SARDH: variants seen among roughly 807,000 people sequenced by gnomAD.
The protein encoded by SARDH is sarcosine dehydrogenase, also known as sarcosine dehydrogenase, mitochondrial.
A neutral mutation model predicts 109.1 loss-of-function variants in SARDH; 95 were observed. The observed-to-expected ratio is 0.87, with a 90% CI of 0.74 to 1.03. The LOEUF (loss-of-function observed/expected upper bound fraction) is 1.03. SARDH is among the 50% of genes least tolerant of loss of function. The pLI, the probability that SARDH is intolerant of heterozygous loss-of-function variation, is 0.00. For synonymous variants in SARDH, 572 were observed against 534.8 expected (o/e 1.07, Z -0.96); for missense variants, 1,267 against 1,287.8 (o/e 0.98, Z 0.25).
At position 133,663,871 on chromosome 9, in the gene SARDH, G is replaced by A. The variant is rs1829963554; in HGVS notation, c.*18C>T. 6.2e-7 allele frequency: 1 copy of A among 1,613,594 alleles called. No homozygotes were observed. Among genetic ancestry groups the A allele is most frequent in the Non-Finnish European group, 8.5e-7 (1 of 1,179,804 alleles). ...AGAATGGATGGACAGCATGGGATGG[G>A]GCATGTGGTCTGAGCCCTCAGTAGA... On this transcript the variant is annotated 3_prime_UTR_variant, in exon 21 of 21. Transcript: ENST00000439388.
chr9:133,699,814 G>A (rs1223269698), intron 13 of SARDH, among the ~76,000 whole-genome samples: 6 of 152,056 alleles, frequency 3.9e-5, no homozygotes, highest in South Asian at 2.1e-4. Flanking sequence ...AACAGTTGGC[G>A]TTCCCCCAAA....
intron 3 of SARDH, among the ~76,000 whole-genome samples, chr9:133,732,151 C>T (rs1190945116): frequency 6.6e-6 from 1 of 152,164 alleles, no homozygotes; most frequent in Non-Finnish European, 1.5e-5. Flanking sequence ...GGCTCCTTCC[C>T]TGTGGCGTGT....
chr9:133,668,327 C>CTCCCTCACCT (rs1830157265), intron 19 of SARDH, among the ~76,000 whole-genome samples: 1 of 132,450 alleles, frequency 7.6e-6, no homozygotes, highest in Non-Finnish European at 1.6e-5. Flanking sequence ...CACCCTCCCT[C>CTCCCTCACCT]TCCCTCTCCC....
intron 17 of SARDH, among the ~76,000 whole-genome samples, chr9:133,684,395 C>G (rs1033695315): frequency 2.0e-5 from 3 of 152,256 alleles, no homozygotes; most frequent in African/African-American, 7.2e-5. Flanking sequence ...CTGTGATGTT[C>G]TCGGAACAGT....
downstream of SARDH, among the ~76,000 whole-genome samples, chr9:133,662,778 G>T (rs553529181): frequency 6.6e-6 from 1 of 152,184 alleles, no homozygotes; most frequent in Non-Finnish European, 1.5e-5. This position sits in a 1 kb window ranked among gnomAD's most constrained non-coding sequence, Gnocchi z 5.1. Flanking sequence ...TCTGCCTCCC[G>T]CTCTTCCCAG....
intron 1 of SARDH, among the ~76,000 whole-genome samples, chr9:133,735,765 C>T (rs1372303812): frequency 3.3e-5 from 5 of 152,174 alleles, no homozygotes; most frequent in African/African-American, 9.7e-5. Context: ...CTAATGAGGC[C>T]GGGCTCTGTG....
intron 19 of SARDH, chr9:133,667,132 C>G: frequency 1.7e-6 from 1 of 575,626 alleles, no homozygotes; most frequent in Non-Finnish European, 3.1e-6. Context: ...TTTCCAGAAG[C>G]GAGCCCCGTA....
intron 6 of SARDH, among the ~76,000 whole-genome samples, chr9:133,725,123 A>G (rs1020249490): frequency 1.4e-4 from 21 of 152,204 alleles, no homozygotes; most frequent in African/African-American, 4.3e-4. Context: ...GCCAGACATC[A>G]TGTGATTCCA....
At chr9:133,682,587 G>A (rs1186598648) in intron 17 of SARDH, among the ~76,000 whole-genome samples, 2 of 152,362 alleles carry the variant, frequency 1.3e-5, no homozygotes, top group African/African-American at 2.4e-5. Flanking sequence ...GGCAAGGGTC[G>A]TGCCCAAAGT....
intron 13 of SARDH, among the ~76,000 whole-genome samples, chr9:133,697,263 T>C (rs906918185): frequency 6.6e-6 from 1 of 151,942 alleles, no homozygotes; most frequent in Non-Finnish European, 1.5e-5. Context: ...TTAATAGAAC[T>C]AAAACAAAAA....
intron 19 of SARDH, 56 bp downstream of exon 19, chr9:133,670,528 C>G (rs1042569324): frequency 1.3e-6 from 2 of 1,530,648 alleles, no homozygotes; most frequent in African/African-American, 2.8e-5. Flanking sequence ...AAGCGCCTGC[C>G]TGCCCTGGCT....
At chr9:133,731,784 T>C (rs534265824) in intron 3 of SARDH, among the ~76,000 whole-genome samples, 57 of 152,270 alleles carry the variant, frequency 3.7e-4, no homozygotes, top group South Asian at 1.0e-3. Context: ...GTGAGAATAG[T>C]GTATGTCATT....
rs560159609 is a variant in SARDH at position 133,722,635 on chromosome 9, T to G, written c.916-3593A>C. 4.3e-5 allele frequency among the ~76,000 whole-genome samples: 6 copies of G among 139,464 alleles called. No individual in the cohort carries two copies. The South Asian group carries it at 1.5e-3, about 36-fold the overall frequency. 91.5% of individuals were successfully genotyped at this position (139,464 alleles called of 152,430 possible). A position where few individuals can be genotyped will look rare whatever the true frequency, so the allele number is the denominator to read the frequency against. ...AATCCTAAGGAAACCACTAAAAAAC[T>G]ACTAGCGCTCTCTCTCTCTCTCTCT... On this transcript the variant is annotated intron_variant, in intron 6 of 20. Coordinates refer to ENST00000439388, the MANE Select transcript of SARDH (RefSeq NM_001134707.2).
In SARDH at chr9:133,730,157, G is replaced by C; in HGVS notation, c.721C>G (p.Arg241Gly). The change falls in exon 5 of 21, where the codon CGT (arginine) becomes GGT (glycine). Residue 241 changes from arginine to glycine, a missense_variant. Coordinates refer to ENST00000439388, the MANE Select transcript of SARDH (RefSeq NM_001134707.2). ...ACCCCAAAATCATCCGTCCACACACGAATGCCGGTCACTGGGCAGTTCTCA... is the reference window on the plus strand; with the variant it reads ...ACCCCAAAATCATCCGTCCACACACCAATGCCGGTCACTGGGCAGTTCTCA... ...VIENCPVTGI[R>G]VWTDDFGVRR... The C allele has an allele frequency of 1.2e-6, 2 of 1,614,208 alleles. No homozygotes were observed. Among genetic ancestry groups the C allele is most frequent in the Non-Finnish European group, 1.7e-6 (2 of 1,180,050 alleles).
intron 13 of SARDH, among the ~76,000 whole-genome samples, chr9:133,700,895 C>T (rs1831460598): frequency 1.3e-5 from 2 of 152,198 alleles, no homozygotes; most frequent in Admixed American, 6.5e-5. Flanking sequence ...AGCAGAGGTG[C>T]CCACCTCATT....
downstream of SARDH, among the ~76,000 whole-genome samples, chr9:133,659,956 G>A (rs1832391053): frequency 6.6e-6 from 1 of 152,134 alleles, no homozygotes; most frequent in South Asian, 2.1e-4. Flanking sequence ...ATCTCGGGCA[G>A]GGAAACTGAG....
intron 3 of SARDH, among the ~76,000 whole-genome samples, chr9:133,732,136 G>A (rs1044198842): frequency 5.9e-5 from 9 of 152,158 alleles, no homozygotes; most frequent in African/African-American, 1.9e-4. Flanking sequence ...TCTGTCACCT[G>A]CCGGGGCTCC....
intron 17 of SARDH, 88 bp from the exon 18 acceptor site, chr9:133,671,785 C>A (rs1564234212): frequency 6.9e-7 from 1 of 1,451,180 alleles, no homozygotes; most frequent in Non-Finnish European, 9.2e-7. Flanking sequence ...GCAGCTCCTA[C>A]TGTCACCAGG....
rs771099502 is a variant in SARDH, at chr9:133,718,072, ATTTGTTTG to A, written c.1021-625_1021-618del. Among the ~76,000 whole-genome samples the A allele has an allele frequency of 3.3e-5, 5 of 151,782 alleles. No individual in the cohort carries two copies. Among genetic ancestry groups the A allele is most frequent in the Admixed American group, 6.6e-5 (1 of 15,226 alleles). ...TCTTCCAGAATTTCATTCCTTGTTC[ATTTGTTTG>A]TTTGTTTGTTTGTAACAGTCTCACT... On this transcript the variant is annotated intron_variant, in intron 7 of 20. Coordinates refer to ENST00000439388, the MANE Select transcript of SARDH (RefSeq NM_001134707.2). The surrounding 1 kb of genome is among the most constrained non-coding windows in gnomAD (Gnocchi z 4.2).
Sources: gnomAD v4.1 joint callset for allele counts (sites outside exome capture counted in the v4.1 genomes callset) on GRCh38, gnomAD v4.1.1 for gene constraint, Gnocchi (gnomAD v3.1) non-coding constraint, MANE v1.5 for transcripts, NCBI Gene and HGNC (gene_info 2026-07-23, HGNC 2026-07-21) for gene names.